Variants in SALL4 observed in about 807,000 individuals in gnomAD.
SALL4 encodes spalt like transcription factor 4.
A neutral mutation model predicts 60.8 loss-of-function variants in SALL4; 4 were observed. The observed-to-expected ratio is 0.07, with a 90% CI of 0.03 to 0.15. The LOEUF is 0.15. SALL4 is among the 10% of genes least tolerant of loss of function. The pLI, the probability that SALL4 is intolerant of heterozygous loss-of-function variation, is 1.00. For synonymous variants in SALL4, 580 were observed against 574.9 expected (o/e 1.01, Z -0.13); for missense variants, 1,178 against 1,394.7 (o/e 0.84, Z 2.48).
Position 51,791,713 on chromosome 20 carries a change from A to C in SALL4, c.770T>G (p.Leu257Arg), listed in dbSNP as rs1404747997. ...LHSSGAGADTLKTLGSHMSQQ... is the reference protein window; with the variant it reads ...LHSSGAGADTRKTLGSHMSQQ... ...AGACATGTGGCTGCCCAAGGTCTTCAGAGTGTCGGCCCCTGCCCCGCTTGA... is the reference window on the plus strand; with the variant it reads ...AGACATGTGGCTGCCCAAGGTCTTCCGAGTGTCGGCCCCTGCCCCGCTTGA... The change falls in exon 2 of 4, where the codon CTG becomes CGG. Residue 257 changes from leucine (L) to arginine (R), a missense_variant. Leu to Arg is a moderately radical substitution (Grantham distance 102). Transcript: ENST00000217086. The surrounding 1 kb of genome is among the most constrained non-coding windows in gnomAD (Gnocchi z 4.6). 6.2e-7 allele frequency: 1 copy of C among 1,614,202 alleles called. No homozygotes were observed. Among genetic ancestry groups the C allele is most frequent in the Admixed American group, 1.7e-5 (1 of 60,030 alleles).
chr20:51,801,826 C>G lies in SALL4; in HGVS notation c.130+453G>C. On this transcript the variant is annotated intron_variant, in intron 1 of 3. Transcript: ENST00000217086. The surrounding 1 kb of genome is among the most constrained non-coding windows in gnomAD (Gnocchi z 5.2). ...AGGGGTGCGCCCCTCCTCCAGCCTC[C>G]AAGAAAAGCCCCAAGGGGCTGGTGG... Among the ~76,000 whole-genome samples, 1 of 150,092 alleles carries G rather than the reference C, an allele frequency of 6.7e-6. No homozygotes were observed. The highest frequency in any genetic ancestry group is 2.5e-5 in the African/African-American group (1 of 40,636).
chr20:51,786,373 C>T (rs2077993120), intron 3 of SALL4, among the ~76,000 whole-genome samples: 2 of 152,122 alleles, frequency 1.3e-5, no homozygotes, highest in East Asian at 1.9e-4. Flanking sequence ...GGATTACAGG[C>T]GTGAGCCACT....
chr20:51,791,406 C>A lies in SALL4; in HGVS notation c.1077G>T (p.Gly359=). 1.2e-6 allele frequency: 2 copies of A among 1,614,204 alleles called. No homozygotes were observed. The highest frequency in any genetic ancestry group is 1.7e-6 in the Non-Finnish European group (2 of 1,180,038). Reference sequence around the variant, plus strand: ...CGGAGATGTTCGGTGGCTTCCCCTTCCCTTTCTTGGATGTGTCTAGCGCCA... The same window carrying A: ...CGGAGATGTTCGGTGGCTTCCCCTTACCTTTCTTGGATGTGTCTAGCGCCA... ...STVALDTSKK[G]KGKPPNISAV... Residue 359 remains glycine, a synonymous_variant, in exon 2 of 4, where the codon GGG becomes GGT. Coordinates refer to ENST00000217086, the MANE Select transcript of SALL4 (RefSeq NM_020436.5). This position sits in a 1 kb window ranked among gnomAD's most constrained non-coding sequence, Gnocchi z 4.6.
At position 51,792,218 on chromosome 20, in the gene SALL4, C is replaced by T; in HGVS notation, c.265G>A (p.Glu89Lys). 6.2e-7 allele frequency: 1 copy of T among 1,614,088 alleles called. No homozygotes were observed. Among genetic ancestry groups the T allele is most frequent in the Non-Finnish European group, 8.5e-7 (1 of 1,180,030 alleles). Residue 89 changes from glutamate to lysine, a missense_variant, in exon 2 of 4, where the codon GAA becomes AAA. By Grantham distance (56) the Glu-to-Lys change is moderately conservative (BLOSUM62 1). Transcript: ENST00000217086. ...TTTTTAGTGCAATTTTTCTTATGTT[C>T]CAGGAACTCAGAGATGCTGAAGAAC... ...AEFFSISEFLEHKKNCTKNPP... is the reference protein window; with the variant it reads ...AEFFSISEFLKHKKNCTKNPP...
At position 51,790,265 on chromosome 20, in the gene SALL4, G is replaced by C. The variant is rs149359253; in HGVS notation, c.2218C>G (p.Pro740Ala). ...LDAPGKVGPA[P>A]FNLQRQGSRE... ...CTGCCCTGGCGCTGCAGGTTAAAAG[G>C]GGCAGGACCCACTTTCCCTGGGGCA... Residue 740 changes from proline (P) to alanine (A), a missense_variant, in exon 2 of 4, where the codon CCT (proline) becomes GCT (alanine). Coordinates refer to ENST00000217086, the MANE Select transcript of SALL4 (RefSeq NM_020436.5). The surrounding 1 kb of genome is among the most constrained non-coding windows in gnomAD (Gnocchi z 5.5). 591 of 1,614,030 alleles carry C rather than the reference G, an allele frequency of 3.7e-4. 1 individual carries two copies. The highest frequency in any genetic ancestry group is 5.5e-5 in the Non-Finnish European group (65 of 1,180,040).
At chr20:51,789,924 C>T in intron 2 of SALL4, 98 bp downstream of exon 2, 3 of 1,492,816 alleles carry the variant, frequency 2.0e-6, no homozygotes, top group South Asian at 2.3e-5. Context: ...GAAGGGGCTG[C>T]TTCAAGTCAT....
At chr20:51,794,441 C>T (rs1337016663) in intron 1 of SALL4, among the ~76,000 whole-genome samples, 1 of 152,168 alleles carries the variant, frequency 6.6e-6, no homozygotes, top group Non-Finnish European at 1.5e-5. Context: ...ATCCCAGCTA[C>T]TCAGGAGGCT....
At chr20:51,796,991 G>C (rs2078083290) in intron 1 of SALL4, among the ~76,000 whole-genome samples, 1 of 151,798 alleles carries the variant, frequency 6.6e-6, no homozygotes. Context: ...TTTAACACAG[G>C]CATTTTTAAA....
chr20:51,797,787 G>A (rs1444126561), intron 1 of SALL4, among the ~76,000 whole-genome samples: 1 of 133,482 alleles, frequency 7.5e-6, no homozygotes, highest in African/African-American at 2.8e-5. Flanking sequence ...AAACCCAGCA[G>A]GGGTCTTAGA....
In SALL4 at chr20:51,791,354, C is replaced by T. The variant is rs1033831490; in HGVS notation, c.1129G>A (p.Ala377Thr). 6.2e-6 allele frequency: 10 copies of T among 1,614,192 alleles called. No individual in the cohort carries two copies. The highest frequency in any genetic ancestry group is 7.6e-6 in the Non-Finnish European group (9 of 1,180,046). ...SAVDVKPKDEAALYKHKCKYC... is the reference protein window; with the variant it reads ...SAVDVKPKDETALYKHKCKYC... The stretch of plus-strand genomic sequence containing the variant: ...TTACACTTGTGCTTGTAGAGGGCCG[C>T]CTCGTCTTTGGGTTTGACATCCACC... Residue 377 changes from alanine (A) to threonine (T), a missense_variant, in exon 2 of 4, where the codon GCG becomes ACG. By Grantham distance (58) the Ala-to-Thr change is moderately conservative. Around this residue, in one of 5 missense-constraint regions of SALL4, gnomAD observed 853 missense variants for 1,036.8 expected, o/e 0.82. Coordinates refer to ENST00000217086, the MANE Select transcript of SALL4 (RefSeq NM_020436.5). The surrounding 1 kb of genome is among the most constrained non-coding windows in gnomAD (Gnocchi z 4.6).
At chr20:51,796,196 C>CAAAAAAAAAAAAAAAAAAAAAAA (rs11474910) in intron 1 of SALL4, among the ~76,000 whole-genome samples, 1 of 90,584 alleles carries the variant, frequency 1.1e-5, no homozygotes, top group Non-Finnish European at 2.1e-5. Flanking sequence ...AAGACTGTCT[C>CAAAAAAAAAAAAAAAAAAAAAAA]AAAAAAAAAA....
chr20:51,798,009 C>A (rs1165153845), intron 1 of SALL4, among the ~76,000 whole-genome samples: 2 of 152,098 alleles, frequency 1.3e-5, no homozygotes, highest in African/African-American at 4.8e-5. Context: ...CACACAACAT[C>A]TTCTACCCTC....
At chr20:51,792,593 G>T (rs1366388811) in intron 1 of SALL4, among the ~76,000 whole-genome samples, 1 of 143,628 alleles carries the variant, frequency 7.0e-6, no homozygotes. Context: ...GGAGGCTGAG[G>T]CTCAAGAATT....
At chr20:51,789,882 C>A in intron 2 of SALL4, 140 bp downstream of exon 2, 1 of 1,001,648 alleles carries the variant, frequency 1.0e-6, no homozygotes, top group Non-Finnish European at 1.5e-6. Context: ...TTGCCCTCTA[C>A]CCAGAAGTAA....
chr20:51,787,238 A>G lies in SALL4; in HGVS notation c.2742+1623T>C, dbSNP rs192886818. ...GGAGTTCGAGATCAGCGTGGCCAAC[A>G]TCGTGAAACCTCGACTCTACTAAAA... On this transcript the variant is annotated intron_variant, in intron 3 of 3. Transcript: ENST00000217086. Among the ~76,000 whole-genome samples the G allele has an allele frequency of 4.2e-3, 641 of 152,228 alleles. 7 individuals carry two copies. The highest frequency in any genetic ancestry group is 4.0e-3 in the Non-Finnish European group (272 of 68,020).
chr20:51,796,092 G>A (rs1320570254), intron 1 of SALL4, among the ~76,000 whole-genome samples: 2 of 151,538 alleles, frequency 1.3e-5, no homozygotes, highest in South Asian at 2.1e-4. Flanking sequence ...CCAGCTACTC[G>A]GGAGGCTGAG....
At chr20:51,785,310 T>A (rs1034606141) in intron 3 of SALL4, among the ~76,000 whole-genome samples, 19 of 151,664 alleles carry the variant, frequency 1.3e-4, no homozygotes, top group African/African-American at 3.9e-4. Context: ...CAAAAAAAAA[T>A]AAAAAATAAA....
Position 51,791,720 on chromosome 20 carries a change from C to G in SALL4, c.763G>C (p.Asp255His), listed in dbSNP as rs2078044259. 2 of 1,614,054 alleles carry G rather than the reference C, an allele frequency of 1.2e-6. No homozygotes were observed. Among genetic ancestry groups the G allele is most frequent in the South Asian group, 1.1e-5 (1 of 91,084 alleles). ...HALHSSGAGA[D>H]TLKTLGSHMS... ...TGGCTGCCCAAGGTCTTCAGAGTGT[C>G]GGCCCCTGCCCCGCTTGAGTGGAGG... Residue 255 changes from aspartate to histidine, a missense_variant, in exon 2 of 4, where the codon GAC becomes CAC. Transcript: ENST00000217086. This position sits in a 1 kb window ranked among gnomAD's most constrained non-coding sequence, Gnocchi z 4.6.
chr20:51,798,693 G>A (rs1170857165), intron 1 of SALL4, among the ~76,000 whole-genome samples: 7 of 151,948 alleles, frequency 4.6e-5, no homozygotes, highest in African/African-American at 1.7e-4. Flanking sequence ...CATCTAAACC[G>A]TGTGAAGGCA....
Sources: gnomAD v4.1 joint callset for allele counts (sites outside exome capture counted in the v4.1 genomes callset) on GRCh38, gnomAD v4.1.1 for gene constraint, gnomAD v4.1.1 regional missense constraint, Gnocchi (gnomAD v3.1) non-coding constraint, MANE v1.5 for transcripts, NCBI Gene and HGNC (gene_info 2026-07-23, HGNC 2026-07-21) for gene names.